The following NFIB variants were observed in gnomAD, a reference collection of about 807,000 sequenced individuals.
NFIB encodes the protein nuclear factor I B, also known as nuclear factor 1 B-type.
A neutral mutation model predicts 61.5 loss-of-function variants in NFIB; 11 were observed. That is an observed-to-expected ratio of 0.18 (90% CI 0.11 to 0.30). NFIB has a LOEUF of 0.30. Among genes scored for constraint, NFIB ranks in the 10% least tolerant of loss-of-function variants. The probability of loss-of-function intolerance (pLI) is 1.00; values close to 1 mark genes in which losing one functional copy is unlikely to be tolerated. For missense variants in NFIB, 471 were observed against 608.9 expected (o/e 0.77, Z 2.38); for synonymous variants, 260 against 216.5 (o/e 1.20, Z -1.76).
At chr9:14,136,338 A>T (rs2041043175) in intron 6 of NFIB, among the ~76,000 whole-genome samples, 1 of 152,136 alleles carries the variant, frequency 6.6e-6, no homozygotes, top group African/African-American at 2.4e-5. Context: ...TCACTTATTA[A>T]ACACTGGCAT....
intron 2 of NFIB, among the ~76,000 whole-genome samples, chr9:14,247,478 G>T (rs951592730): frequency 3.3e-5 from 5 of 152,128 alleles, no homozygotes; most frequent in African/African-American, 1.2e-4. Flanking sequence ...TTTCTCACAG[G>T]AAAATGTGCC....
At chr9:14,132,644 T>A (rs2130956140) in intron 6 of NFIB, among the ~76,000 whole-genome samples, 1 of 152,210 alleles carries the variant, frequency 6.6e-6, no homozygotes, top group East Asian at 1.9e-4. Flanking sequence ...CATGGCTCAC[T>A]GCAGCCTCAA....
intron 10 of NFIB, among the ~76,000 whole-genome samples, chr9:14,103,622 G>A (rs911886418): frequency 1.3e-5 from 2 of 152,068 alleles, no homozygotes; most frequent in Non-Finnish European, 2.9e-5. Flanking sequence ...TTAGACTATC[G>A]AGCTTCTGCA....
the NFIB span, among the ~76,000 whole-genome samples, chr9:14,531,732 A>C: frequency 6.6e-6 from 1 of 152,070 alleles, no homozygotes; most frequent in Non-Finnish European, 1.5e-5. Flanking sequence ...GCCTTTTTAA[A>C]AAGAAGGCCT....
intron 1 of NFIB, among the ~76,000 whole-genome samples, chr9:14,385,695 G>C (rs1588405156): frequency 6.6e-6 from 1 of 151,166 alleles, no homozygotes; most frequent in Non-Finnish European, 1.5e-5. Flanking sequence ...TTATATATTT[G>C]TAATCTTTTA....
the NFIB span, among the ~76,000 whole-genome samples, chr9:14,449,361 G>C: frequency 2.0e-5 from 3 of 152,104 alleles, no homozygotes; most frequent in Non-Finnish European, 4.4e-5. Flanking sequence ...CACATATTCT[G>C]ATTTAATTGG....
intron 3 of NFIB, among the ~76,000 whole-genome samples, chr9:14,169,972 T>C (rs2045384736): frequency 6.6e-6 from 1 of 152,228 alleles, no homozygotes; most frequent in Non-Finnish European, 1.5e-5. Flanking sequence ...TTTAATCCTA[T>C]AAGGTAGAAA....
chr9:14,202,180 G>A (rs896022576), intron 2 of NFIB, among the ~76,000 whole-genome samples: 1 of 151,016 alleles, frequency 6.6e-6, no homozygotes, highest in Non-Finnish European at 1.5e-5. Flanking sequence ...TTAGCAGTGG[G>A]ACAAACTTTT....
In NFIB at chr9:14,360,716, T is replaced by C. The variant is rs112005640; in HGVS notation, c.108+37808A>G. Among the ~76,000 whole-genome samples the C allele has an allele frequency of 3.5e-3, 540 of 152,134 alleles. 4 individuals carry two copies. Among genetic ancestry groups the C allele is most frequent in the African/African-American group, 0.011 (476 of 41,528 alleles). ...CCCGCCAATACGCCCGGCTAATTTT[T>C]TGTATTTTTAGTAGAGACGGGGTTT... On this transcript the variant is annotated intron_variant, in intron 1 of 8. Coordinates refer to the NFIB transcript ENST00000380934.
chr9:14,462,773 C>T, the NFIB span, among the ~76,000 whole-genome samples: 26 of 152,150 alleles, frequency 1.7e-4, no homozygotes, highest in African/African-American at 6.0e-4. Context: ...CCTCTAGGCT[C>T]ATATAATAGG....
intron 1 of NFIB, among the ~76,000 whole-genome samples, chr9:14,312,724 TC>T (rs571263647): frequency 2.6e-5 from 4 of 151,514 alleles, no homozygotes; most frequent in African/African-American, 9.7e-5. Context: ...TGACCTTACT[TC>T]TACCAGCATT....
chr9:14,487,183 G>C, the NFIB span, among the ~76,000 whole-genome samples: 7 of 152,240 alleles, frequency 4.6e-5, no homozygotes, highest in East Asian at 7.7e-4. Flanking sequence ...GACAAGGTTT[G>C]AGCGCACACG....
At position 14,343,369 on chromosome 9, in the gene NFIB, C is replaced by T. The variant is rs537100888; in HGVS notation, c.109-35849G>A. 1.0e-3 allele frequency among the ~76,000 whole-genome samples: 159 copies of T among 152,266 alleles called. 1 individual carries two copies. Among genetic ancestry groups the T allele is most frequent in the South Asian group, 8.5e-3 (41 of 4,820 alleles). On this transcript the variant is annotated intron_variant, in intron 1 of 8. Coordinates refer to the NFIB transcript ENST00000380934. ...CGGGGGAGAGTGCTTATGACTGAGG[C>T]TGCAGCTGCCCTCCCTATTGGATAC...
At chr9:14,139,563 T>G (rs902590914) in intron 6 of NFIB, among the ~76,000 whole-genome samples, 6 of 152,142 alleles carry the variant, frequency 3.9e-5, no homozygotes, top group Middle Eastern at 3.2e-3. Context: ...TCAAACTAAT[T>G]ATCTATTGTG....
At chr9:14,198,478 G>C (rs1261772332) in intron 2 of NFIB, among the ~76,000 whole-genome samples, 1 of 152,142 alleles carries the variant, frequency 6.6e-6, no homozygotes, top group Non-Finnish European at 1.5e-5. Flanking sequence ...ATTAAACACA[G>C]AGCTCCAAAA....
Position 14,189,632 on chromosome 9 carries a change from A to C in NFIB, c.563-9852T>G, listed in dbSNP as rs189486103. On this transcript the variant is annotated intron_variant, in intron 2 of 10. Transcript: ENST00000380953. ...AAAAAATCCCCACCTACTTGGTTGC[A>C]CTGCCCCTTGCAAACGCTGACAACA... Among the ~76,000 whole-genome samples the C allele has an allele frequency of 8.1e-4, 122 of 150,956 alleles. No homozygotes were observed. In the Middle Eastern group the frequency reaches 0.017, roughly 21 times the overall value.
chr9:14,257,626 G>T (rs1486483470), intron 2 of NFIB, among the ~76,000 whole-genome samples: 3 of 152,026 alleles, frequency 2.0e-5, no homozygotes, highest in African/African-American at 7.2e-5. Flanking sequence ...CATGGTTGCG[G>T]GCACCTGTAA....
At chr9:14,364,169 A>G (rs1230563897) in intron 1 of NFIB, among the ~76,000 whole-genome samples, 2 of 152,204 alleles carry the variant, frequency 1.3e-5, no homozygotes, top group African/African-American at 4.8e-5. Context: ...ATTTACACTC[A>G]CAGCCACAGT....
At chr9:14,179,823 TGA>T in intron 2 of NFIB, 43 bp from the exon 3 acceptor site, 1 of 1,601,026 alleles carries the variant, frequency 6.2e-7, no homozygotes, top group Non-Finnish European at 8.5e-7. Flanking sequence ...TAATTTGTTT[TGA>T]AAGAATTTCA....
Sources: allele counts gnomAD v4.1 joint callset (sites outside exome capture counted in the v4.1 genomes callset), GRCh38; gene constraint gnomAD v4.1.1; transcripts MANE v1.5; gene names NCBI Gene and HGNC (gene_info 2026-07-23, HGNC 2026-07-21).